The following GPR33 variants were observed in gnomAD, a reference collection of about 807,000 sequenced individuals.
GPR33 encodes the protein G protein-coupled receptor 33.
GPR33 carries 4 observed loss-of-function variants against 3.1 expected under a neutral mutation model. That is an observed-to-expected ratio of 1.29 (90% CI 0.64 to 2.96). GPR33 has a LOEUF of 2.96. GPR33 is among the 30% of genes most tolerant of loss of function. The pLI is 0.01. For missense variants in GPR33, 390 were observed against 388.9 expected (o/e 1.00, Z -0.02); for synonymous variants, 138 against 142.0 (o/e 0.97, Z 0.20).
intron 1 of GPR33, among the ~76,000 whole-genome samples, chr14:31,486,890 A>T (rs2032424612): frequency 6.6e-6 from 1 of 152,098 alleles, no homozygotes; most frequent in Non-Finnish European, 1.5e-5. Flanking sequence ...GTTTTTATCC[A>T]TGGAGTATGT....
In GPR33 at chr14:31,483,864, A is replaced by G; in HGVS notation, c.102T>C (p.Leu34=). The G allele has an allele frequency of 6.5e-7, 1 of 1,536,134 alleles. No homozygotes were observed. Among genetic ancestry groups the G allele is most frequent in the South Asian group, 1.2e-5 (1 of 84,058 alleles). ...CAATTATAGATGAAATGTACAAAGA[A>G]AGGGCAATAATCATTTTTGATGCAG... ...LAPASKMIIA[L]SLYISSIIGT... is the part of the protein sequence containing the mutation. The change falls in exon 2 of 2, where the codon CTT becomes CTC. Residue 34 remains leucine, a synonymous_variant. Transcript: ENST00000399285.
At chr14:31,485,892 A>G (rs1260645209) in intron 1 of GPR33, among the ~76,000 whole-genome samples, 1 of 152,164 alleles carries the variant, frequency 6.6e-6, no homozygotes, top group African/African-American at 2.4e-5. Context: ...TAAAATATCC[A>G]ATTTCTTGGA....
At chr14:31,487,500 C>T (rs1178466553) in intron 1 of GPR33, among the ~76,000 whole-genome samples, 1 of 126,506 alleles carries the variant, frequency 7.9e-6, no homozygotes, top group Non-Finnish European at 1.6e-5. Context: ...AGTGCAATGG[C>T]GTGATCCTGG....
At position 31,483,277 on chromosome 14, in the gene GPR33, C is replaced by T. The variant is rs538319032; in HGVS notation, c.689G>A (p.Ser230Asn). 14 of 1,536,148 alleles carry T rather than the reference C, an allele frequency of 9.1e-6. No homozygotes were observed. The African/African-American group carries it at 1.4e-4, about 15-fold the overall frequency. The stretch of plus-strand genomic sequence containing the variant: ...AAACAGGCTCCTCTCTTTCACCTTG[C>T]TGGCTACTCTTTCATAACAAAAGAT... The part of the protein sequence containing the change: ...IIIFCYERVA[S>N]KVKERSLFKS... The change falls in exon 2 of 2, where the codon AGC (serine) becomes AAC (asparagine). Residue 230 changes from serine (S) to asparagine (N), a missense_variant. Coordinates refer to ENST00000399285, the MANE Select transcript of GPR33 (RefSeq NM_001197184.3).
intron 1 of GPR33, among the ~76,000 whole-genome samples, chr14:31,487,226 G>A (rs570075862): frequency 3.6e-4 from 54 of 152,106 alleles, no homozygotes; most frequent in African/African-American, 1.3e-3. Context: ...AGTTTCCTAG[G>A]AATTCTGATT....
intron 1 of GPR33, among the ~76,000 whole-genome samples, chr14:31,487,074 A>G (rs2032426744): frequency 6.6e-6 from 1 of 152,130 alleles, no homozygotes. Context: ...ATGAGAAACT[A>G]GATACCCGAA....
intron 1 of GPR33, among the ~76,000 whole-genome samples, chr14:31,485,656 T>G (rs890355022): frequency 6.8e-6 from 1 of 147,158 alleles, no homozygotes; most frequent in South Asian, 2.2e-4. Flanking sequence ...AAAAAAAAAA[T>G]TCTGTTTTTC....
chr14:31,487,309 T>C (rs943194122), intron 1 of GPR33, among the ~76,000 whole-genome samples: 1 of 151,944 alleles, frequency 6.6e-6, no homozygotes, highest in Non-Finnish European at 1.5e-5. Context: ...TGAGAATAAA[T>C]AAATGGGGCA....
chr14:31,484,774 T>G (rs1479235815), intron 1 of GPR33, among the ~76,000 whole-genome samples: 1 of 152,202 alleles, frequency 6.6e-6, no homozygotes, highest in Non-Finnish European at 1.5e-5. Flanking sequence ...ATTAGATTTC[T>G]CTCATGAGCT....
intron 1 of GPR33, 77 bp from the exon 2 acceptor site, chr14:31,484,048 AT>A: frequency 8.6e-7 from 1 of 1,161,690 alleles, no homozygotes; most frequent in Non-Finnish European, 1.2e-6. Flanking sequence ...TTAAAGAGTA[AT>A]TTTTTACATA....
chr14:31,483,369 C>T lies in GPR33; in HGVS notation c.597G>A (p.Gln199=), dbSNP rs770606112. Residue 199 remains glutamine, a synonymous_variant, in exon 2 of 2, where the codon CAG becomes CAA. Transcript: ENST00000399285. The part of the protein sequence containing the change: ...WESKEMQASR[Q]WIHVACFISR... Reference sequence around the variant, plus strand: ...TGATGAAACAGGCCACATGAATCCACTGCCTTGATGCTTGCATCTCCTTGC... The same window carrying T: ...TGATGAAACAGGCCACATGAATCCATTGCCTTGATGCTTGCATCTCCTTGC... 7 of 1,536,076 alleles carry T rather than the reference C, an allele frequency of 4.6e-6. No homozygotes were observed. In the South Asian group the frequency reaches 8.3e-5, roughly 18 times the overall value.
Position 31,483,570 on chromosome 14 carries a change from G to A in GPR33, c.396C>T (p.His132=). The A allele has an allele frequency of 1.3e-6, 2 of 1,536,166 alleles. No individual in the cohort carries two copies. The highest frequency in any genetic ancestry group is 1.7e-6 in the Non-Finnish European group (2 of 1,146,926). The change falls in exon 2 of 2, where the codon CAC becomes CAT. Residue 132 remains histidine (H), a synonymous_variant. Coordinates refer to ENST00000399285, the MANE Select transcript of GPR33 (RefSeq NM_001197184.3). ...IGLDRYLLTL[H]PVWSQQHRTP... is the part of the protein sequence containing the mutation. ...TTCGGTGCTGCTGGGACCACACTGG[G>A]TGAAGAGTGAGAAGGTAACGATCAA...
chr14:31,487,684 C>T (rs971588657), intron 1 of GPR33, among the ~76,000 whole-genome samples: 9 of 151,978 alleles, frequency 5.9e-5, no homozygotes, highest in Non-Finnish European at 8.8e-5. Context: ...GTGATCTGCC[C>T]GCCTCAGCCT....
intron 1 of GPR33, among the ~76,000 whole-genome samples, chr14:31,486,076 G>A (rs1340164167): frequency 1.3e-5 from 2 of 152,150 alleles, no homozygotes; most frequent in Non-Finnish European, 2.9e-5. Flanking sequence ...ATACAGAGAA[G>A]TAAGATAATT....
Position 31,488,031 on chromosome 14 carries a change from G to A in GPR33, c.-141C>T, listed in dbSNP as rs865932129. The A allele has an allele frequency of 3.3e-5, 5 of 152,152 alleles. No homozygotes were observed. The highest frequency in any genetic ancestry group is 7.3e-5 in the Non-Finnish European group (5 of 68,044). The allele number at this position is 152,152 out of a possible 1,614,324, so 9.4% of individuals were successfully genotyped here. A position where few individuals can be genotyped will look rare whatever the true frequency, so the allele number is the denominator to read the frequency against. On this transcript the variant is annotated 5_prime_UTR_variant, in exon 1 of 2. Coordinates refer to ENST00000399285, the MANE Select transcript of GPR33 (RefSeq NM_001197184.3). ...CATTTCATATGTCTTTCTTCTTGCTGATGCTACTCCCCAAGCTTGAACTTG... is the reference window on the plus strand; with the variant it reads ...CATTTCATATGTCTTTCTTCTTGCTAATGCTACTCCCCAAGCTTGAACTTG...
intron 1 of GPR33, 76 bp from the exon 2 acceptor site, chr14:31,484,047 A>G: frequency 8.6e-7 from 1 of 1,167,640 alleles, no homozygotes; most frequent in South Asian, 1.7e-5. Context: ...TTTAAAGAGT[A>G]ATTTTTTACA....
chr14:31,487,221 C>T (rs939877288), intron 1 of GPR33, among the ~76,000 whole-genome samples: 2 of 151,908 alleles, frequency 1.3e-5, no homozygotes, highest in African/African-American at 4.8e-5. Flanking sequence ...TATAAAGTTT[C>T]CTAGGAATTC....
Position 31,483,358 on chromosome 14 carries a change from A to G in GPR33, c.608T>C (p.Val203Ala). The G allele has an allele frequency of 2.0e-6, 3 of 1,536,190 alleles. No individual in the cohort carries two copies. The highest frequency in any genetic ancestry group is 2.6e-6 in the Non-Finnish European group (3 of 1,146,920). The stretch of plus-strand genomic sequence containing the variant: ...CAAGAAGCGGCTGATGAAACAGGCC[A>G]CATGAATCCACTGCCTTGATGCTTG... ...EMQASRQWIHVACFISRFLLG... is the reference protein window; with the variant it reads ...EMQASRQWIHAACFISRFLLG... Residue 203 changes from valine (V) to alanine (A), a missense_variant, in exon 2 of 2, where the codon GTG becomes GCG. Coordinates refer to ENST00000399285, the MANE Select transcript of GPR33 (RefSeq NM_001197184.3).
At position 31,483,275 on chromosome 14, in the gene GPR33, T is replaced by G. The variant is rs1487935408; in HGVS notation, c.691A>C (p.Lys231Gln). 4 of 1,536,018 alleles carry G rather than the reference T, an allele frequency of 2.6e-6. No individual in the cohort carries two copies. The South Asian group carries it at 4.8e-5, about 18-fold the overall frequency. Residue 231 changes from lysine to glutamine, a missense_variant, in exon 2 of 2, where the codon AAG (lysine) becomes CAG (glutamine). Transcript: ENST00000399285. ...TTAAACAGGCTCCTCTCTTTCACCT[T>G]GCTGGCTACTCTTTCATAACAAAAG... ...IIFCYERVAS[K>Q]VKERSLFKSS...
Sources: allele counts gnomAD v4.1 joint callset (sites outside exome capture counted in the v4.1 genomes callset), GRCh38; gene constraint gnomAD v4.1.1; transcripts MANE v1.5; gene names NCBI Gene and HGNC (gene_info 2026-07-23, HGNC 2026-07-21).